DCC: variants seen among roughly 807,000 people sequenced by gnomAD.
DCC encodes netrin receptor DCC.
Under a neutral mutation model 172.5 loss-of-function variants are expected in DCC, and 58 were observed. That is an observed-to-expected ratio of 0.34 (90% CI 0.27 to 0.42). The LOEUF (loss-of-function observed/expected upper bound fraction) is 0.42. Ranked by LOEUF, DCC falls within the 10% of genes least tolerant of loss-of-function variation. The pLI is 1.00. For synonymous variants in DCC, 709 were observed against 644.5 expected (o/e 1.10, Z -1.52); for missense variants, 1,740 against 1,791.0 (o/e 0.97, Z 0.51).
intron 2 of DCC, among the ~76,000 whole-genome samples, chr18:52,862,554 C>T (rs1385863789): frequency 2.6e-5 from 4 of 151,764 alleles, no homozygotes; most frequent in Admixed American, 2.6e-4. Flanking sequence ...AAAAATTAGC[C>T]GGGCATGGTG....
intron 7 of DCC, among the ~76,000 whole-genome samples, chr18:53,098,884 G>T (rs2043124065): frequency 6.6e-6 from 1 of 152,002 alleles, no homozygotes. Flanking sequence ...GGTGGTATGT[G>T]CCTGTGGTCC....
intron 5 of DCC, among the ~76,000 whole-genome samples, chr18:53,050,567 T>A (rs558265027): frequency 6.6e-6 from 1 of 152,224 alleles, no homozygotes; most frequent in East Asian, 1.9e-4. Context: ...CTAATTTGAC[T>A]CTCGGCCTGG....
chr18:53,226,197 G>A (rs547825997), intron 12 of DCC, among the ~76,000 whole-genome samples: 79 of 152,252 alleles, frequency 5.2e-4, no homozygotes, highest in Non-Finnish European at 8.1e-4. Context: ...GGGAAGGGAT[G>A]CAAATCAGAA....
At chr18:52,985,221 C>G (rs778092447) in intron 5 of DCC, among the ~76,000 whole-genome samples, 5 of 151,864 alleles carry the variant, frequency 3.3e-5, no homozygotes, top group Non-Finnish European at 5.9e-5. Flanking sequence ...CTTGGGTTTC[C>G]TTTTTGGTTT....
chr18:52,837,795 C>T (rs1436271039), intron 2 of DCC, among the ~76,000 whole-genome samples: 1 of 152,194 alleles, frequency 6.6e-6, no homozygotes, highest in African/African-American at 2.4e-5. Flanking sequence ...AGTCCATTCT[C>T]ATGCTTCTAT....
chr18:53,168,972 G>A (rs1289062194), intron 8 of DCC, among the ~76,000 whole-genome samples: 4 of 152,102 alleles, frequency 2.6e-5, no homozygotes, highest in African/African-American at 7.2e-5. Flanking sequence ...ATAGATGATA[G>A]CAAAAATTGA....
intron 1 of DCC, among the ~76,000 whole-genome samples, chr18:52,617,218 A>G (rs2034399249): frequency 6.6e-6 from 1 of 152,146 alleles, no homozygotes; most frequent in Non-Finnish European, 1.5e-5. Flanking sequence ...CCCCATAAAT[A>G]TGTGTGATTA....
chr18:52,390,925 T>G, intron 1 of DCC, among the ~76,000 whole-genome samples: 1 of 152,144 alleles, frequency 6.6e-6, no homozygotes, highest in South Asian at 2.1e-4. Context: ...ACAGCCTATT[T>G]TGCAGAAGTT....
intron 13 of DCC, among the ~76,000 whole-genome samples, chr18:53,311,410 A>G (rs548010136): frequency 1.3e-5 from 2 of 152,302 alleles, no homozygotes; most frequent in Admixed American, 1.3e-4. Context: ...GGCGTGAGCC[A>G]CCGCACCCGG....
intron 16 of DCC, among the ~76,000 whole-genome samples, chr18:53,388,794 A>AT (rs1908349575): frequency 6.6e-6 from 1 of 151,916 alleles, no homozygotes; most frequent in African/African-American, 2.4e-5. Context: ...TTTAAAGTTC[A>AT]TTTTTTTTGA....
intron 5 of DCC, among the ~76,000 whole-genome samples, chr18:53,056,180 A>G (rs913908273): frequency 1.3e-5 from 2 of 152,252 alleles, no homozygotes; most frequent in East Asian, 1.9e-4. Context: ...GAATCTCACA[A>G]TCACGGCGAA....
chr18:53,086,995 C>A (rs1479062526), intron 7 of DCC, among the ~76,000 whole-genome samples: 3 of 151,830 alleles, frequency 2.0e-5, no homozygotes, highest in Non-Finnish European at 4.4e-5. Context: ...TTAATCCAGT[C>A]TATCATTGTT....
At chr18:53,060,614 T>C (rs1453943135) in intron 5 of DCC, among the ~76,000 whole-genome samples, 3 of 152,168 alleles carry the variant, frequency 2.0e-5, no homozygotes, top group Non-Finnish European at 2.9e-5. Context: ...ATATTACAAC[T>C]ATAATAATAC....
intron 9 of DCC, among the ~76,000 whole-genome samples, chr18:53,181,444 A>T (rs2055195386): frequency 6.6e-6 from 1 of 150,926 alleles, no homozygotes; most frequent in Non-Finnish European, 1.5e-5. Flanking sequence ...AACGTTCCCA[A>T]GCCAAGGGAC....
intron 2 of DCC, among the ~76,000 whole-genome samples, chr18:52,870,038 G>A (rs1349599844): frequency 2.0e-5 from 3 of 152,086 alleles, no homozygotes; most frequent in African/African-American, 7.2e-5. Flanking sequence ...CTCCAAGCCC[G>A]ACCACACTGT....
At chr18:53,023,351 AAAAAAAT>A (rs1461435828) in intron 5 of DCC, among the ~76,000 whole-genome samples, 8 of 112,494 alleles carry the variant, frequency 7.1e-5, no homozygotes, top group East Asian at 4.1e-4. Flanking sequence ...AAAAAACATA[AAAAAAAT>A]AAAAATAAAA....
chr18:53,313,813 T>C (rs1412982735), intron 13 of DCC, among the ~76,000 whole-genome samples: 1 of 152,026 alleles, frequency 6.6e-6, no homozygotes, highest in African/African-American at 2.4e-5. Flanking sequence ...CAGAACAGAG[T>C]CAAGATTCTT....
chr18:53,417,462 AATG>A (rs1375737393), intron 21 of DCC, among the ~76,000 whole-genome samples: 1 of 151,734 alleles, frequency 6.6e-6, no homozygotes, highest in Non-Finnish European at 1.5e-5. Flanking sequence ...AAAAAATATT[AATG>A]ATGAGTAATT....
At chr18:52,411,843 C>T (rs1487925384) in intron 1 of DCC, among the ~76,000 whole-genome samples, 1 of 152,106 alleles carries the variant, frequency 6.6e-6, no homozygotes, top group Non-Finnish European at 1.5e-5. Flanking sequence ...AAATATTGGG[C>T]TTACCTGTCC....
Sources: allele counts gnomAD v4.1 joint callset (sites outside exome capture counted in the v4.1 genomes callset), GRCh38; gene constraint gnomAD v4.1.1; transcripts MANE v1.5; gene names NCBI Gene and HGNC (gene_info 2026-07-23, HGNC 2026-07-21).